Variants in COL23A1 observed in about 807,000 individuals in gnomAD.
The protein encoded by COL23A1 is collagen type XXIII alpha 1 chain, also known as collagen alpha-1(XXIII) chain.
A neutral mutation model predicts 99.3 loss-of-function variants in COL23A1; 97 were observed. The observed-to-expected ratio is 0.98, with a 90% CI of 0.83 to 1.16. The LOEUF (loss-of-function observed/expected upper bound fraction) is 1.16. COL23A1 is among the 50% of genes most tolerant of loss of function. COL23A1 has a pLI of 0.00. For missense variants in COL23A1, 762 were observed against 757.4 expected (o/e 1.01, Z -0.07); for synonymous variants, 320 against 308.2 (o/e 1.04, Z -0.40).
At chr5:178,580,807 T>C (rs1395827580) in intron 1 of COL23A1, among the ~76,000 whole-genome samples, 1 of 151,900 alleles carries the variant, frequency 6.6e-6, no homozygotes, top group African/African-American at 2.4e-5. Context: ...GCTGCTTGAG[T>C]CCAGCAGTGA....
At chr5:178,577,253 C>T (rs1225341082) in intron 1 of COL23A1, among the ~76,000 whole-genome samples, 2 of 152,182 alleles carry the variant, frequency 1.3e-5, no homozygotes, top group Non-Finnish European at 2.9e-5. Context: ...CCCGAGCCCT[C>T]TCCCTGCGGC....
At chr5:178,406,116 C>G (rs1264936725) in intron 2 of COL23A1, among the ~76,000 whole-genome samples, 1 of 151,972 alleles carries the variant, frequency 6.6e-6, no homozygotes, top group East Asian at 1.9e-4. Context: ...ATAAACAAAC[C>G]AACAAACAAA....
At chr5:178,334,477 G>A (rs1760213186) in intron 2 of COL23A1, among the ~76,000 whole-genome samples, 1 of 152,250 alleles carries the variant, frequency 6.6e-6, no homozygotes, top group Non-Finnish European at 1.5e-5. Flanking sequence ...AATGAAATAA[G>A]CTCATGGGAA....
intron 2 of COL23A1, among the ~76,000 whole-genome samples, chr5:178,369,040 T>C (rs1464877919): frequency 1.3e-5 from 2 of 152,238 alleles, no homozygotes; most frequent in African/African-American, 4.8e-5. Context: ...ACCCACCTTC[T>C]TGACCCAGCC....
At chr5:178,425,493 T>C (rs1765877385) in intron 2 of COL23A1, among the ~76,000 whole-genome samples, 1 of 152,130 alleles carries the variant, frequency 6.6e-6, no homozygotes, top group African/African-American at 2.4e-5. Flanking sequence ...CAATGGTGGC[T>C]GTTTCCCGCG....
Position 178,589,873 on chromosome 5 carries a change from G to C in COL23A1, c.294+31C>G. On this transcript the variant is annotated intron_variant, in intron 1 of 28. Transcript: ENST00000390654. This position sits in a 1 kb window ranked among gnomAD's most constrained non-coding sequence, Gnocchi z 5.4. The stretch of plus-strand genomic sequence containing the variant: ...GCCACCCTCAACCCGACACACCCAA[G>C]TCCGCCCCAGCCACGCGCCAAGACG... The C allele has an allele frequency of 7.8e-7, 1 of 1,287,344 alleles. No homozygotes were observed. The highest frequency in any genetic ancestry group is 4.2e-5 in the Admixed American group (1 of 23,578). 79.7% of individuals were successfully genotyped at this position (1,287,344 alleles called of 1,614,324 possible).
chr5:178,287,327 G>A lies in COL23A1; in HGVS notation c.441+997C>T, dbSNP rs1010706148. ...TCCCAAACTTGACTCAGCCCAGCAC[G>A]GGGCCACTCCAGCATGAAGTCAATG... On this transcript the variant is annotated intron_variant, in intron 5 of 28. Coordinates refer to ENST00000390654, the MANE Select transcript of COL23A1 (RefSeq NM_173465.4). Among the ~76,000 whole-genome samples, 4 of 152,208 alleles carry A rather than the reference G, an allele frequency of 2.6e-5. No individual in the cohort carries two copies. The South Asian group carries it at 6.2e-4, about 24-fold the overall frequency.
chr5:178,458,286 C>T (rs1755909282), intron 2 of COL23A1, among the ~76,000 whole-genome samples: 1 of 152,058 alleles, frequency 6.6e-6, no homozygotes, highest in Admixed American at 6.6e-5. Flanking sequence ...GGTAGCTGAA[C>T]AGTGGATGCA....
chr5:178,344,871 C>A, intron 2 of COL23A1: 1 of 768,336 alleles, frequency 1.3e-6, no homozygotes, highest in African/African-American at 1.7e-5. Context: ...TCTGGCATTA[C>A]CAGAAGAGTC....
chr5:178,275,043 C>T lies in COL23A1; in HGVS notation c.442-4680G>A, dbSNP rs368530493. Among the ~76,000 whole-genome samples the T allele has an allele frequency of 3.9e-5, 6 of 152,158 alleles. 1 individual carries two copies. The highest frequency in any genetic ancestry group is 6.5e-5 in the Admixed American group (1 of 15,288). The stretch of plus-strand genomic sequence containing the variant: ...GGCTGCACATGAGCAGCAGGCCAGG[C>T]GGCCACCTGTCCTGGGACCCCGGAT... On this transcript the variant is annotated intron_variant, in intron 5 of 28. Transcript: ENST00000390654.
chr5:178,459,022 T>G (rs866568343), intron 2 of COL23A1, among the ~76,000 whole-genome samples: 3 of 152,004 alleles, frequency 2.0e-5, no homozygotes, highest in African/African-American at 4.8e-5. Flanking sequence ...AAATAAATTG[T>G]AAGAAAAAAT....
At chr5:178,502,171 G>T (rs529338496) in intron 2 of COL23A1, among the ~76,000 whole-genome samples, 3 of 152,100 alleles carry the variant, frequency 2.0e-5, no homozygotes, top group South Asian at 2.1e-4. Context: ...TCGCTCTGTC[G>T]CCCAGGCTGG....
At chr5:178,392,278 C>A (rs948499169) in intron 2 of COL23A1, among the ~76,000 whole-genome samples, 3 of 152,086 alleles carry the variant, frequency 2.0e-5, no homozygotes, top group Non-Finnish European at 4.4e-5. Context: ...CAAAAGCAAT[C>A]TGAATGGCTG....
At chr5:178,441,170 T>C (rs2127839971) in intron 2 of COL23A1, among the ~76,000 whole-genome samples, 1 of 152,282 alleles carries the variant, frequency 6.6e-6, no homozygotes, top group Non-Finnish European at 1.5e-5. Flanking sequence ...TTAAAGGCCC[T>C]TTGTGTCGTA....
At chr5:178,498,242 AT>A (rs1758322417) in intron 2 of COL23A1, among the ~76,000 whole-genome samples, 16 of 71,082 alleles carry the variant, frequency 2.3e-4, no homozygotes, top group African/African-American at 1.1e-3. Flanking sequence ...ATATATATAT[AT>A]ATATATATAT....
intron 12 of COL23A1, among the ~76,000 whole-genome samples, chr5:178,258,582 A>AGAT (rs1316389505): frequency 6.6e-6 from 1 of 151,672 alleles, no homozygotes; most frequent in East Asian, 2.0e-4. Flanking sequence ...TTTTTAGTAG[A>AGAT]GATGGGGTTT....
chr5:178,296,420 T>C (rs1757743040), intron 3 of COL23A1, among the ~76,000 whole-genome samples: 1 of 152,168 alleles, frequency 6.6e-6, no homozygotes, highest in African/African-American at 2.4e-5. Context: ...AAGGCTACCA[T>C]GCCCAGGGTC....
chr5:178,403,063 C>T (rs1004523642), intron 2 of COL23A1, among the ~76,000 whole-genome samples: 25 of 136,886 alleles, frequency 1.8e-4, no homozygotes, highest in Admixed American at 8.7e-4. Flanking sequence ...GAGCTGAGGT[C>T]GTGCCACGGC....
chr5:178,298,623 G>C (rs1757873517), intron 3 of COL23A1, among the ~76,000 whole-genome samples: 2 of 152,150 alleles, frequency 1.3e-5, no homozygotes, highest in Non-Finnish European at 2.9e-5. Flanking sequence ...GCTCTCCCTG[G>C]TCCTGATTGA....
Sources: allele counts gnomAD v4.1 joint callset (sites outside exome capture counted in the v4.1 genomes callset), GRCh38; gene constraint gnomAD v4.1.1; non-coding constraint Gnocchi (gnomAD v3.1); transcripts MANE v1.5; gene names NCBI Gene and HGNC (gene_info 2026-07-23, HGNC 2026-07-21).